The following MYO3B variants were observed in gnomAD, a reference collection of about 807,000 sequenced individuals.
The protein encoded by MYO3B is myosin-IIIb.
MYO3B carries 156 observed loss-of-function variants against 174.6 expected under a neutral mutation model. The ratio of observed to expected loss-of-function variants is 0.89; its 90% CI spans 0.78 to 1.02. MYO3B has a LOEUF of 1.02. MYO3B is among the 50% of genes least tolerant of loss of function. The probability of loss-of-function intolerance (pLI) is 0.00; values close to 1 mark genes in which losing one functional copy is unlikely to be tolerated. For missense variants in MYO3B, 1,632 were observed against 1,639.4 expected (o/e 1.00, Z 0.08); for synonymous variants, 563 against 569.1 (o/e 0.99, Z 0.15).
chr2:170,609,305 C>T (rs1477837913), intron 32 of MYO3B, among the ~76,000 whole-genome samples: 1 of 152,212 alleles, frequency 6.6e-6, no homozygotes, highest in Admixed American at 6.5e-5. Flanking sequence ...CACACATATA[C>T]ATACCACACA....
chr2:170,593,826 TAGTC>T (rs1369374658), intron 32 of MYO3B, among the ~76,000 whole-genome samples: 3 of 152,218 alleles, frequency 2.0e-5, no homozygotes, highest in Non-Finnish European at 4.4e-5. Flanking sequence ...TAGTAGTCAT[TAGTC>T]AGGAGCAACT....
At chr2:170,528,835 A>G (rs1383140436) in intron 30 of MYO3B, among the ~76,000 whole-genome samples, 1 of 152,180 alleles carries the variant, frequency 6.6e-6, no homozygotes, top group East Asian at 1.9e-4. Flanking sequence ...CAAGGCCTTC[A>G]ATGTGATCAC....
At chr2:170,228,432 G>A (rs1459209201) in intron 6 of MYO3B, among the ~76,000 whole-genome samples, 2 of 152,174 alleles carry the variant, frequency 1.3e-5, no homozygotes, top group Non-Finnish European at 2.9e-5. Flanking sequence ...GGATTGCACT[G>A]GGTCTCCAAG....
At chr2:170,492,886 A>G (rs896771492) in intron 25 of MYO3B, among the ~76,000 whole-genome samples, 17 of 152,212 alleles carry the variant, frequency 1.1e-4, no homozygotes, top group African/African-American at 4.1e-4. Context: ...TTTTGCTGAC[A>G]TGGGCCAGGT....
At chr2:170,320,512 T>C (rs1046220428) in intron 7 of MYO3B, among the ~76,000 whole-genome samples, 5 of 150,750 alleles carry the variant, frequency 3.3e-5, no homozygotes, top group Admixed American at 2.6e-4. Context: ...AAGATAGATA[T>C]AAAAATAAGC....
chr2:170,501,928 T>C (rs1338238194), intron 28 of MYO3B, 63 bp downstream of exon 28: 2 of 1,155,880 alleles, frequency 1.7e-6, no homozygotes, highest in Non-Finnish European at 2.6e-6. Flanking sequence ...CTTCTGTGAA[T>C]GTAGAAAAGC....
intron 12 of MYO3B, among the ~76,000 whole-genome samples, chr2:170,385,179 C>A (rs2094364968): frequency 6.6e-6 from 1 of 152,148 alleles, no homozygotes; most frequent in South Asian, 2.1e-4. Flanking sequence ...CCCCTCCCAG[C>A]ACCTCAATGT....
chr2:170,305,192 T>A (rs2093692685), intron 7 of MYO3B, among the ~76,000 whole-genome samples: 1 of 152,164 alleles, frequency 6.6e-6, no homozygotes, highest in Non-Finnish European at 1.5e-5. Flanking sequence ...AGGGGACACA[T>A]CCTCTATTCT....
chr2:170,554,794 A>G (rs1691172792), intron 32 of MYO3B, among the ~76,000 whole-genome samples: 1 of 152,234 alleles, frequency 6.6e-6, no homozygotes, highest in Admixed American at 6.5e-5. Context: ...AAACAACACA[A>G]GGCGGGTGGT....
intron 32 of MYO3B, among the ~76,000 whole-genome samples, chr2:170,603,394 A>G (rs759329444): frequency 6.6e-6 from 1 of 152,268 alleles, no homozygotes; most frequent in Non-Finnish European, 1.5e-5. Context: ...CATTTGCTAT[A>G]TAAGCCATTT....
intron 32 of MYO3B, among the ~76,000 whole-genome samples, chr2:170,569,277 G>C (rs1161887535): frequency 6.6e-6 from 1 of 151,888 alleles, no homozygotes; most frequent in Admixed American, 6.6e-5. Context: ...TCTCACTTTT[G>C]CATCTCCCCA....
At chr2:170,581,987 T>C (rs1338112316) in intron 32 of MYO3B, among the ~76,000 whole-genome samples, 2 of 152,194 alleles carry the variant, frequency 1.3e-5, no homozygotes, top group East Asian at 1.9e-4. Context: ...CTTAATGTAA[T>C]GTGGGATATA....
chr2:170,425,198 TCC>T (rs66782789), intron 22 of MYO3B, among the ~76,000 whole-genome samples: 3,858 of 152,294 alleles, frequency 0.025, 138 homozygotes, highest in African/African-American at 0.085. Context: ...TTAACATTTT[TCC>T]CCAGGAATTT....
In MYO3B at chr2:170,443,859, A is replaced by T. The variant is rs571361516; in HGVS notation, c.2651-108A>T. 19 of 771,994 alleles carry T rather than the reference A, an allele frequency of 2.5e-5. No individual in the cohort carries two copies. The South Asian group carries it at 5.0e-4, about 20-fold the overall frequency. 47.8% of individuals were successfully genotyped at this position (771,994 alleles called of 1,614,324 possible). A position where few individuals can be genotyped will look rare whatever the true frequency, so the allele number is the denominator to read the frequency against. On this transcript the variant is annotated intron_variant, in intron 22 of 34. Transcript: ENST00000408978. The stretch of plus-strand genomic sequence containing the variant: ...TCCAAATTTTAAAAATTCAGAGCAG[A>T]TTGTTTTGAAAATTCAGAAAAATAC...
At chr2:170,446,260 A>T (rs2094841826) in intron 23 of MYO3B, among the ~76,000 whole-genome samples, 1 of 152,180 alleles carries the variant, frequency 6.6e-6, no homozygotes, top group Non-Finnish European at 1.5e-5. Context: ...ACTGGCTTCC[A>T]CCAGTTCTAA....
chr2:170,532,834 A>AG (rs1689445641), intron 30 of MYO3B, among the ~76,000 whole-genome samples: 1 of 151,704 alleles, frequency 6.6e-6, no homozygotes, highest in Non-Finnish European at 1.5e-5. Flanking sequence ...AAAAAAAAAA[A>AG]AGAGTATCAG....
At chr2:170,506,280 T>C (rs549718576) in intron 28 of MYO3B, among the ~76,000 whole-genome samples, 1 of 152,362 alleles carries the variant, frequency 6.6e-6, no homozygotes, top group South Asian at 2.1e-4. Flanking sequence ...AAGTTTTTGG[T>C]GTATAAAACT....
chr2:170,322,855 T>C (rs2093838870), intron 7 of MYO3B, among the ~76,000 whole-genome samples: 1 of 152,192 alleles, frequency 6.6e-6, no homozygotes, highest in African/African-American at 2.4e-5. Context: ...TGCCAGGGTC[T>C]GCTCATGGTG....
At chr2:170,376,608 T>A (rs895452347) in intron 9 of MYO3B, among the ~76,000 whole-genome samples, 1 of 151,982 alleles carries the variant, frequency 6.6e-6, no homozygotes. Context: ...TCTCTCTATT[T>A]TTTTTTTTGC....
Sources: gnomAD v4.1 joint callset for allele counts (sites outside exome capture counted in the v4.1 genomes callset) on GRCh38, gnomAD v4.1.1 for gene constraint, MANE v1.5 for transcripts, NCBI Gene and HGNC (gene_info 2026-07-23, HGNC 2026-07-21) for gene names.